The following MPC2 variants were observed in gnomAD, a reference collection of about 807,000 sequenced individuals.
MPC2 encodes the protein brain protein 44.
MPC2 carries 19 observed loss-of-function variants against 19.2 expected under a neutral mutation model. That is an observed-to-expected ratio of 0.99 (90% CI 0.69 to 1.45). The LOEUF (loss-of-function observed/expected upper bound fraction) is 1.45, where lower values mean the gene tolerates loss of function less well. MPC2 is among the 40% of genes most tolerant of loss of function. The probability of loss-of-function intolerance (pLI) is 0.00; values close to 1 mark genes in which losing one functional copy is unlikely to be tolerated. For synonymous variants in MPC2, 61 were observed against 54.3 expected, an observed-to-expected ratio of 1.12 and a Z score of -0.54; for missense variants, 122 against 153.0, an observed-to-expected ratio of 0.80 and a Z score of 1.07.
Position 167,925,470 on chromosome 1 carries a change from T to TAC in MPC2, c.110-934_110-933insGT, listed in dbSNP as rs1553200826. Among the ~76,000 whole-genome samples the TAC allele has an allele frequency of 1.4e-4, 15 of 107,770 alleles. No homozygotes were observed. In the East Asian group the frequency reaches 2.2e-3, roughly 16 times the overall value. The allele number at this position is 107,770 out of a possible 152,430, so 70.7% of individuals were successfully genotyped here. On this transcript the variant is annotated intron_variant, in intron 2 of 5. Transcript: ENST00000271373. ...ATATATATATATATATATATATATA[T>TAC]ATATACATATACATATACACACACA...
intron 2 of MPC2, among the ~76,000 whole-genome samples, chr1:167,935,306 G>C (rs867348776): frequency 1.8e-4 from 28 of 152,326 alleles, no homozygotes; most frequent in Admixed American, 5.9e-4. Context: ...GCTGAAGAAA[G>C]TGACCTTTAC....
At chr1:167,932,808 C>CAAAAAAAAAA (rs965449372) in intron 2 of MPC2, among the ~76,000 whole-genome samples, 14 of 54,466 alleles carry the variant, frequency 2.6e-4, no homozygotes, top group Non-Finnish European at 4.7e-4. Flanking sequence ...GACTCTGTCT[C>CAAAAAAAAAA]AAAAAAAAAA....
chr1:167,931,721 A>G (rs1670916723), intron 2 of MPC2, among the ~76,000 whole-genome samples: 1 of 152,140 alleles, frequency 6.6e-6, no homozygotes, highest in Non-Finnish European at 1.5e-5. Context: ...TACATATAAT[A>G]GAACAATATA....
chr1:167,925,483 A>ACG (rs1185056575), intron 2 of MPC2, among the ~76,000 whole-genome samples: 1 of 137,086 alleles, frequency 7.3e-6, no homozygotes, highest in Non-Finnish European at 1.6e-5. Context: ...ATACATATAC[A>ACG]TATACACACA....
chr1:167,925,438 TAC>T (rs201145744), intron 2 of MPC2, among the ~76,000 whole-genome samples: 12 of 79,042 alleles, frequency 1.5e-4, no homozygotes, highest in East Asian at 6.0e-4. Context: ...GATATACATA[TAC>T]ACATATATAT....
chr1:167,926,213 TAA>T (rs1041936605), intron 2 of MPC2, among the ~76,000 whole-genome samples: 4 of 152,232 alleles, frequency 2.6e-5, no homozygotes, highest in African/African-American at 9.6e-5. Context: ...AGAATAAATC[TAA>T]AAACAGTGCT....
chr1:167,928,569 A>G (rs1383465089), intron 2 of MPC2, among the ~76,000 whole-genome samples: 1 of 152,196 alleles, frequency 6.6e-6, no homozygotes, highest in East Asian at 1.9e-4. Context: ...ACTTACTTCA[A>G]CATTTCTAAA....
At position 167,917,431 on chromosome 1, in the gene MPC2, T is replaced by C. The variant is rs1386453184; in HGVS notation, c.*892A>G. The C allele has an allele frequency of 6.6e-6, 1 of 151,900 alleles. No individual in the cohort carries two copies. Among genetic ancestry groups the C allele is most frequent in the African/African-American group, 2.4e-5 (1 of 41,270 alleles). 9.4% of individuals were successfully genotyped at this position (151,900 alleles called of 1,614,324 possible). A position where few individuals can be genotyped will look rare whatever the true frequency, so the allele number is the denominator to read the frequency against. ...CTGGGCAACATGACAAAACCCTACCTCTACAAAAATACAAAAATTAGCTGG... is the reference window on the plus strand; with the variant it reads ...CTGGGCAACATGACAAAACCCTACCCCTACAAAAATACAAAAATTAGCTGG... On this transcript the variant is annotated 3_prime_UTR_variant, in exon 6 of 6. Coordinates refer to ENST00000271373, the MANE Select transcript of MPC2 (RefSeq NM_001143674.4).
chr1:167,920,513 T>C, intron 4 of MPC2, 34 bp downstream of exon 4: 1 of 1,600,616 alleles, frequency 6.2e-7, no homozygotes, highest in African/African-American at 1.3e-5. Context: ...ATTTATGTTC[T>C]ACAAGAAACA....
rs1256467915 is a variant in MPC2 at position 167,935,878 on chromosome 1, T to C, written c.-37A>G. ...GATCGTTGGCAGCCGGGTGGGAGCG[T>C]GGCTGTGTTCTCGTCCCTGGCTGAC... On this transcript the variant is annotated 5_prime_UTR_variant, in exon 2 of 6. Transcript: ENST00000271373. The C allele has an allele frequency of 8.1e-6, 12 of 1,479,954 alleles. No individual in the cohort carries two copies. The highest frequency in any genetic ancestry group is 1.0e-5 in the Non-Finnish European group (11 of 1,084,192). 91.7% of individuals were successfully genotyped at this position (1,479,954 alleles called of 1,614,324 possible). A position where few individuals can be genotyped will look rare whatever the true frequency, so the allele number is the denominator to read the frequency against.
intron 4 of MPC2, among the ~76,000 whole-genome samples, 164 bp downstream of exon 4, chr1:167,920,383 G>C (rs923422059): frequency 6.6e-6 from 1 of 152,170 alleles, no homozygotes; most frequent in African/African-American, 2.4e-5. Flanking sequence ...TATTCTTTCT[G>C]TGACTCCTCC....
intron 2 of MPC2, among the ~76,000 whole-genome samples, chr1:167,933,227 GCA>G (rs1670962793): frequency 6.6e-6 from 1 of 150,834 alleles, no homozygotes; most frequent in Admixed American, 6.6e-5. Flanking sequence ...GAGTGCAATG[GCA>G]CGATCTTGGC....
In MPC2 at chr1:167,920,094, T is replaced by C. The variant is rs2102527522; in HGVS notation, c.236-4A>G. The C allele has an allele frequency of 6.3e-7, 1 of 1,578,978 alleles. No homozygotes were observed. Among genetic ancestry groups the C allele is most frequent in the Non-Finnish European group, 8.7e-7 (1 of 1,153,058 alleles). On this transcript the variant is annotated splice_region_variant and splice_polypyrimidine_tract_variant and intron_variant, in intron 4 of 5. Coordinates refer to ENST00000271373, the MANE Select transcript of MPC2 (RefSeq NM_001143674.4). The stretch of plus-strand genomic sequence containing the variant: ...GAGTATCTTGACCAAATAAACCCTG[T>C]TGAAACAAAATGTTACTTTAAAAAG...
intron 2 of MPC2, among the ~76,000 whole-genome samples, chr1:167,925,546 G>GTTTTTTTT (rs1557854280): frequency 9.8e-6 from 1 of 101,846 alleles, no homozygotes; most frequent in African/African-American, 3.6e-5. Flanking sequence ...TTTTTTTTTG[G>GTTTTTTTT]TTTTTTTTGT....
chr1:167,936,063 C>G (rs374785748), intron 1 of MPC2, 165 bp from the exon 2 acceptor site: 2 of 578,706 alleles, frequency 3.5e-6, no homozygotes, highest in South Asian at 2.0e-5. Flanking sequence ...TGCCAGCCCC[C>G]GGTCCGCCTC....
intron 2 of MPC2, among the ~76,000 whole-genome samples, chr1:167,932,829 AAAAG>A (rs1475761003): frequency 6.7e-6 from 1 of 149,962 alleles, no homozygotes; most frequent in Non-Finnish European, 1.5e-5. Flanking sequence ...AAAAAAAAAG[AAAAG>A]AAAAGAAAAG....
intron 1 of MPC2, 194 bp from the exon 2 acceptor site, chr1:167,936,092 A>T (rs1671173728): frequency 1.8e-6 from 1 of 561,650 alleles, no homozygotes; most frequent in South Asian, 2.0e-5. Flanking sequence ...GGCAGGAGAG[A>T]GGGAGGAGCC....
rs1423649563 is a variant in MPC2, at chr1:167,935,776, C to G, written c.66G>C (p.Leu22=). The G allele has an allele frequency of 6.4e-7, 1 of 1,564,962 alleles. No homozygotes were observed. Among genetic ancestry groups the G allele is most frequent in the African/African-American group, 1.4e-5 (1 of 73,708 alleles). ...TYHRLLDKVE[L]MLPEKLRPLY... ...ACGGCCTCAATTTCTCGGGCAGCAT[C>G]AGCTCCACTTTATCGAGGAGCCGGT... The change falls in exon 2 of 6, where the codon CTG becomes CTC. Residue 22 remains leucine (L), a synonymous_variant. Transcript: ENST00000271373.
chr1:167,936,165 C>G, intron 1 of MPC2: 1 of 309,470 alleles, frequency 3.2e-6, no homozygotes. Context: ...TGGCAGCGCG[C>G]TTGCGCAGGC....
Sources: gnomAD v4.1 joint callset for allele counts (sites outside exome capture counted in the v4.1 genomes callset) on GRCh38, gnomAD v4.1.1 for gene constraint, MANE v1.5 for transcripts, NCBI Gene and HGNC (gene_info 2026-07-23, HGNC 2026-07-21) for gene names.